Variants in PRKG1 observed in about 807,000 individuals in gnomAD.
PRKG1 encodes cGMP-dependent protein kinase 1.
PRKG1 carries 35 observed loss-of-function variants against 88.1 expected under a neutral mutation model. The ratio of observed to expected loss-of-function variants is 0.40; its 90% CI spans 0.30 to 0.53. PRKG1 has a LOEUF of 0.53. Among genes scored for constraint, PRKG1 ranks in the 20% least tolerant of loss-of-function variants. PRKG1 has a pLI of 0.59. For synonymous variants in PRKG1, 303 were observed against 292.5 expected (o/e 1.04, Z -0.37); for missense variants, 540 against 839.8 (o/e 0.64, Z 4.41).
chr10:51,115,531 T>A lies in PRKG1; in HGVS notation c.312-37633T>A, dbSNP rs558412328. 4.0e-5 allele frequency among the ~76,000 whole-genome samples: 6 copies of A among 148,168 alleles called. No individual in the cohort carries two copies. In the South Asian group the frequency reaches 1.3e-3, roughly 32 times the overall value. ...TAATAAATGAATGTGAGGGGGTAAT[T>A]TGTAATGTAAGAATGATAAAGAAGA... On this transcript the variant is annotated intron_variant, in intron 1 of 17. Transcript: ENST00000373980.
At chr10:51,618,459 C>A (rs1274398804) in intron 3 of PRKG1, among the ~76,000 whole-genome samples, 2 of 152,148 alleles carry the variant, frequency 1.3e-5, no homozygotes. Flanking sequence ...TCATCATTGT[C>A]ATTGTCATCA....
At chr10:51,369,993 A>G (rs953849248) in intron 2 of PRKG1, among the ~76,000 whole-genome samples, 3 of 152,172 alleles carry the variant, frequency 2.0e-5, no homozygotes. Flanking sequence ...AAGCCAGCTC[A>G]AGCCACTCAG....
intron 3 of PRKG1, among the ~76,000 whole-genome samples, chr10:51,619,062 C>G (rs570247663): frequency 1.1e-4 from 17 of 151,838 alleles, no homozygotes; most frequent in Admixed American, 3.9e-4. Flanking sequence ...CAGGCGTAAG[C>G]CACCATGGCT....
At chr10:51,782,451 A>G (rs563587852) in intron 3 of PRKG1, among the ~76,000 whole-genome samples, 4 of 152,144 alleles carry the variant, frequency 2.6e-5, no homozygotes, top group Non-Finnish European at 5.9e-5. Context: ...CGAGGCAGGT[A>G]CTTCTACTAG....
chr10:52,110,090 A>G (rs952598626), intron 7 of PRKG1, among the ~76,000 whole-genome samples: 5 of 151,862 alleles, frequency 3.3e-5, no homozygotes, highest in African/African-American at 1.2e-4. Context: ...TCACGCCTGT[A>G]GTAATCCTAG....
intron 12 of PRKG1, among the ~76,000 whole-genome samples, chr10:52,278,155 G>T (rs1393311680): frequency 6.6e-6 from 1 of 152,060 alleles, no homozygotes; most frequent in Non-Finnish European, 1.5e-5. Flanking sequence ...GTGGGCAAAG[G>T]ATATGAACAG....
At position 52,294,079 on chromosome 10, in the gene PRKG1, CT is replaced by C; in HGVS notation, c.*182del. On this transcript the variant is annotated 3_prime_UTR_variant, in exon 18 of 18. Transcript: ENST00000373980. ...TTACCGCTTAGATGACAATAGTGCT[CT>C]TTACATGTTTTCTGTTTGAACCTAA... 1 of 483,262 alleles carries C rather than the reference CT, an allele frequency of 2.1e-6. No individual in the cohort carries two copies. The highest frequency in any genetic ancestry group is 3.6e-6 in the Non-Finnish European group (1 of 274,256). The allele number at this position is 483,262 out of a possible 1,614,324, so 29.9% of individuals were successfully genotyped here. A position where few individuals can be genotyped will look rare whatever the true frequency, so the allele number is the denominator to read the frequency against.
chr10:51,136,145 G>A (rs142764569), intron 1 of PRKG1, among the ~76,000 whole-genome samples: 3 of 152,186 alleles, frequency 2.0e-5, no homozygotes, highest in Non-Finnish European at 4.4e-5. Context: ...AATGATCAGT[G>A]AGTCTTGGTG....
chr10:51,829,147 G>T (rs1049427800), intron 4 of PRKG1, among the ~76,000 whole-genome samples: 2 of 152,178 alleles, frequency 1.3e-5, no homozygotes, highest in African/African-American at 4.8e-5. Flanking sequence ...GTTTCTGGCC[G>T]TGTGAACATT....
intron 8 of PRKG1, among the ~76,000 whole-genome samples, chr10:52,141,516 A>G (rs1837580986): frequency 6.6e-6 from 1 of 152,086 alleles, no homozygotes; most frequent in South Asian, 2.1e-4. Context: ...CCATATGTGA[A>G]CCATCCAGAC....
chr10:51,838,491 C>T (rs2132769245), intron 4 of PRKG1, among the ~76,000 whole-genome samples: 1 of 152,276 alleles, frequency 6.6e-6, no homozygotes, highest in East Asian at 1.9e-4. Flanking sequence ...AGGAAGTGTC[C>T]TCTGGGACTC....
chr10:51,734,124 A>G (rs955396583), intron 3 of PRKG1, among the ~76,000 whole-genome samples: 1 of 152,178 alleles, frequency 6.6e-6, no homozygotes, highest in African/African-American at 2.4e-5. Context: ...AAACCTAAAA[A>G]TTACCAATAT....
chr10:52,262,218 C>A (rs1028330759), intron 10 of PRKG1, among the ~76,000 whole-genome samples: 1 of 151,960 alleles, frequency 6.6e-6, no homozygotes, highest in African/African-American at 2.4e-5. Flanking sequence ...CATACACTAT[C>A]TGATTTTAAC....
chr10:52,156,619 T>A (rs1044430108), intron 8 of PRKG1, among the ~76,000 whole-genome samples: 1 of 151,794 alleles, frequency 6.6e-6, no homozygotes, highest in Non-Finnish European at 1.5e-5. Context: ...AGGAAACATA[T>A]ATTCACATGA....
chr10:51,893,204 G>GT (rs1214954102), intron 4 of PRKG1, among the ~76,000 whole-genome samples: 1 of 151,994 alleles, frequency 6.6e-6, no homozygotes, highest in Non-Finnish European at 1.5e-5. Flanking sequence ...CCTTCAGTGA[G>GT]TTTTTTAGAA....
intron 2 of PRKG1, among the ~76,000 whole-genome samples, chr10:51,329,466 A>G (rs186289926): frequency 6.6e-6 from 1 of 152,330 alleles, no homozygotes; most frequent in East Asian, 1.9e-4. Flanking sequence ...ATTTACAAAT[A>G]CCATTACAGT....
At chr10:51,978,786 C>T (rs1843916940) in intron 5 of PRKG1, among the ~76,000 whole-genome samples, 1 of 151,896 alleles carries the variant, frequency 6.6e-6, no homozygotes, top group Non-Finnish European at 1.5e-5. Context: ...TACAAAAATG[C>T]TAGTGATTTT....
rs186638617 is a variant in PRKG1 at position 51,464,139 on chromosome 10, G to A, written c.479-3584G>A. On this transcript the variant is annotated intron_variant, in intron 2 of 17. Coordinates refer to ENST00000373980, the MANE Select transcript of PRKG1 (RefSeq NM_006258.4). The stretch of plus-strand genomic sequence containing the variant: ...CAAAAAGAAAAAAAAAAATTGCCTG[G>A]CATGGTGGCATGTGCCTGTAATCCC... Among the ~76,000 whole-genome samples, 282 of 152,106 alleles carry A rather than the reference G, an allele frequency of 1.9e-3. 1 individual carries two copies. The highest frequency in any genetic ancestry group is 6.5e-3 in the African/African-American group (270 of 41,504).
At chr10:51,591,282 G>A (rs1435915372) in intron 3 of PRKG1, among the ~76,000 whole-genome samples, 1 of 152,170 alleles carries the variant, frequency 6.6e-6, no homozygotes, top group Admixed American at 6.5e-5. Context: ...TTTGTCAAAT[G>A]TAAAACTGTT....
Sources: allele counts gnomAD v4.1 joint callset (sites outside exome capture counted in the v4.1 genomes callset), GRCh38; gene constraint gnomAD v4.1.1; transcripts MANE v1.5; gene names NCBI Gene and HGNC (gene_info 2026-07-23, HGNC 2026-07-21).